NLGN4X: variants seen among roughly 807,000 people sequenced by gnomAD.
NLGN4X encodes the protein neuroligin 4 X-linked.
In NLGN4X, 3 loss-of-function variants were observed where a neutral mutation model predicts 40.3. The ratio of observed to expected loss-of-function variants is 0.07; its 90% CI spans 0.03 to 0.19. The LOEUF is 0.19. Among genes scored for constraint, NLGN4X ranks in the 10% least tolerant of loss-of-function variants. The probability of loss-of-function intolerance (pLI) is 1.00; values close to 1 mark genes in which losing one functional copy is unlikely to be tolerated. For missense variants in NLGN4X, 382 were observed against 708.3 expected, an observed-to-expected ratio of 0.54 and a Z score of 5.23; for synonymous variants, 270 against 306.8, an observed-to-expected ratio of 0.88 and a Z score of 1.25.
chrX:6,019,835 G>A (rs191009978), intron 3 of NLGN4X, among the ~76,000 whole-genome samples: 97 of 112,026 alleles, frequency 8.7e-4, no homozygotes, highest in African/African-American at 3.0e-3. Context: ...TGTTTTGAAT[G>A]TAAAACTTTC....
At chrX:6,155,940 G>A (rs1052167565) in intron 1 of NLGN4X, among the ~76,000 whole-genome samples, 2 of 112,351 alleles carry the variant, frequency 1.8e-5, no homozygotes, top group South Asian at 3.7e-4. Context: ...TATATACACC[G>A]TTGGTGAGAA....
intron 3 of NLGN4X, among the ~76,000 whole-genome samples, chrX:5,928,021 C>T (rs1451770694): frequency 8.9e-6 from 1 of 111,829 alleles, no homozygotes; most frequent in Non-Finnish European, 1.9e-5. Context: ...CCATTACTTC[C>T]TTTTCATTCC....
chrX:5,997,566 ATG>A (rs34152567), intron 3 of NLGN4X, among the ~76,000 whole-genome samples: 15,844 of 53,795 alleles, frequency 0.29, 1,117 homozygotes, highest in Admixed American at 0.33. Flanking sequence ...ATAAAATTAC[ATG>A]TGTGTGTGTG....
intron 1 of NLGN4X, chrX:6,187,361 T>A (rs1262164295): frequency 4.9e-5 from 5 of 102,878 alleles, no homozygotes; most frequent in African/African-American, 1.8e-4. Flanking sequence ...TAGCCCCAGC[T>A]ACCCCGGAGG....
rs59353648 is a variant in NLGN4X, at chrX:5,924,364, GA to G, written c.626-15126del. On this transcript the variant is annotated intron_variant, in intron 3 of 5. Transcript: ENST00000381095. ...AATGCTTTCAAGGCAAACATAAAAT[GA>G]AAAAAAAAAAACCTCTCTAATTGAC... is the stretch of plus-strand genomic sequence containing the variant. 5.6e-3 allele frequency among the ~76,000 whole-genome samples: 530 copies of G among 95,433 alleles called. 1 individual carries two copies. The highest frequency in any genetic ancestry group is 0.013 in the East Asian group (39 of 2,901). 82.9% of individuals were successfully genotyped at this position (95,433 alleles called of 115,157 possible). A position where few individuals can be genotyped will look rare whatever the true frequency, so the allele number is the denominator to read the frequency against.
At chrX:5,991,575 A>G in intron 3 of NLGN4X, 1 of 489,842 alleles carries the variant, frequency 2.0e-6, no homozygotes, top group South Asian at 2.6e-5. Context: ...CTTGCCTAGA[A>G]AATCCACGAG....
chrX:6,117,472 C>T (rs1161946444), intron 2 of NLGN4X, among the ~76,000 whole-genome samples: 2 of 111,123 alleles, frequency 1.8e-5, no homozygotes, highest in Non-Finnish European at 3.8e-5. Flanking sequence ...TCCAGCTCCT[C>T]CACAACGTCC....
intron 3 of NLGN4X, among the ~76,000 whole-genome samples, chrX:5,979,909 A>G (rs937069042): frequency 9.5e-6 from 1 of 105,680 alleles, no homozygotes; most frequent in Non-Finnish European, 1.9e-5. Context: ...TATATATACT[A>G]TACTGTATAC....
intron 1 of NLGN4X, among the ~76,000 whole-genome samples, chrX:6,213,087 G>T (rs1211042695): frequency 9.2e-6 from 1 of 109,142 alleles, no homozygotes. Flanking sequence ...GGGCAGGGAG[G>T]GGAGAGTACA....
chrX:6,005,301 T>C (rs1445641934), intron 3 of NLGN4X, among the ~76,000 whole-genome samples: 1 of 111,706 alleles, frequency 9.0e-6, no homozygotes, highest in East Asian at 2.8e-4. Context: ...GACCAACGAA[T>C]ACATACCTTG....
At chrX:6,139,770 G>C (rs2039902783) in intron 2 of NLGN4X, among the ~76,000 whole-genome samples, 1 of 112,034 alleles carries the variant, frequency 8.9e-6, no homozygotes, top group South Asian at 3.7e-4. Context: ...TTTTCCAGCA[G>C]CGGGTTTAGA....
intron 5 of NLGN4X, among the ~76,000 whole-genome samples, chrX:5,896,546 A>G (rs1478850660): frequency 3.6e-5 from 4 of 112,005 alleles, no homozygotes; most frequent in African/African-American, 1.3e-4. Context: ...AAAAGACTCA[A>G]TGCATGTCTT....
At chrX:6,186,392 A>G (rs1400072607) in intron 1 of NLGN4X, among the ~76,000 whole-genome samples, 10 of 112,625 alleles carry the variant, frequency 8.9e-5, no homozygotes, top group Non-Finnish European at 1.9e-5. Context: ...CGGCACCATC[A>G]TTTGCTCAAA....
At chrX:6,177,514 CATTT>C (rs1243786213) in intron 1 of NLGN4X, among the ~76,000 whole-genome samples, 1 of 111,812 alleles carries the variant, frequency 8.9e-6, no homozygotes, top group African/African-American at 3.3e-5. Flanking sequence ...TTGACACGTG[CATTT>C]ATTTCCTCTA....
intron 2 of NLGN4X, among the ~76,000 whole-genome samples, chrX:6,122,959 T>G (rs898435865): frequency 1.8e-5 from 2 of 108,379 alleles, no homozygotes; most frequent in Non-Finnish European, 3.8e-5. Context: ...TGGAAAAACA[T>G]CCTCCAAATG....
At chrX:6,063,904 T>G (rs780066799) in intron 2 of NLGN4X, among the ~76,000 whole-genome samples, 66 of 112,282 alleles carry the variant, frequency 5.9e-4, no homozygotes, top group African/African-American at 2.1e-3. Context: ...GATACCTAAC[T>G]CACATGGTTT....
At chrX:6,022,651 G>A (rs1476680590) in intron 3 of NLGN4X, among the ~76,000 whole-genome samples, 1 of 111,485 alleles carries the variant, frequency 9.0e-6, no homozygotes, top group Non-Finnish European at 1.9e-5. Flanking sequence ...AGAACGTATT[G>A]GTCCTCTCTT....
At chrX:5,979,786 G>A (rs2035323540) in intron 3 of NLGN4X, among the ~76,000 whole-genome samples, 1 of 98,375 alleles carries the variant, frequency 1.0e-5, no homozygotes, top group African/African-American at 4.4e-5. Context: ...ATATATATGT[G>A]TATATATACA....
At chrX:6,070,977 T>C (rs1369003100) in intron 2 of NLGN4X, among the ~76,000 whole-genome samples, 6 of 111,479 alleles carry the variant, frequency 5.4e-5, no homozygotes, top group East Asian at 2.8e-4. Flanking sequence ...TTCAAGATGA[T>C]ATTCAAGTGG....
Sources: allele counts gnomAD v4.1 joint callset (sites outside exome capture counted in the v4.1 genomes callset), GRCh38; gene constraint gnomAD v4.1.1; transcripts MANE v1.5; gene names NCBI Gene and HGNC (gene_info 2026-07-23, HGNC 2026-07-21).